Variants in GIPC2 observed in about 807,000 individuals in gnomAD.
GIPC2 encodes the protein GIPC PDZ domain containing family member 2.
Under a neutral mutation model 30.6 loss-of-function variants are expected in GIPC2, and 30 were observed. The observed-to-expected ratio is 0.98, with a 90% CI of 0.73 to 1.33. The LOEUF (loss-of-function observed/expected upper bound fraction) is 1.33, where lower values mean the gene tolerates loss of function less well. Ranked by LOEUF, GIPC2 falls within the 40% of genes most tolerant of loss-of-function variation. The probability of loss-of-function intolerance (pLI) is 0.00; values close to 1 mark genes in which losing one functional copy is unlikely to be tolerated. For synonymous variants in GIPC2, 167 were observed against 150.0 expected (o/e 1.11, Z -0.83); for missense variants, 414 against 390.3 (o/e 1.06, Z -0.51).
intron 3 of GIPC2, among the ~76,000 whole-genome samples, chr1:78,102,518 A>T (rs893876101): frequency 2.0e-5 from 3 of 152,244 alleles, no homozygotes; most frequent in Non-Finnish European, 4.4e-5. Context: ...ACTGAATTCT[A>T]CAAAATATAT....
chr1:78,073,515 A>G (rs894747266), intron 1 of GIPC2, among the ~76,000 whole-genome samples: 1 of 152,208 alleles, frequency 6.6e-6, no homozygotes, highest in Non-Finnish European at 1.5e-5. Context: ...GTAGGAGGGT[A>G]GTCATATAAA....
intron 3 of GIPC2, among the ~76,000 whole-genome samples, chr1:78,107,805 A>G (rs995178610): frequency 6.9e-6 from 1 of 144,588 alleles, no homozygotes; most frequent in South Asian, 2.3e-4. Flanking sequence ...AGCCTGGGCA[A>G]CAGAGTGAAA....
intron 1 of GIPC2, among the ~76,000 whole-genome samples, chr1:78,078,008 G>A (rs1478370494): frequency 6.6e-6 from 1 of 151,484 alleles, no homozygotes; most frequent in African/African-American, 2.4e-5. Context: ...CTAAAACGGT[G>A]AAACCCCGTC....
chr1:78,101,653 A>G (rs1032353155), intron 3 of GIPC2, among the ~76,000 whole-genome samples: 5 of 152,198 alleles, frequency 3.3e-5, no homozygotes, highest in African/African-American at 1.2e-4. Flanking sequence ...CCCCCTGGTC[A>G]GCTGGTTACT....
At chr1:78,053,792 G>C (rs560368538) in intron 1 of GIPC2, among the ~76,000 whole-genome samples, 2 of 150,514 alleles carry the variant, frequency 1.3e-5, no homozygotes, top group East Asian at 3.9e-4. Flanking sequence ...TTAGCCAGAG[G>C]TGGTGGTACG....
At chr1:78,109,273 GA>G (rs779140994) in intron 3 of GIPC2, among the ~76,000 whole-genome samples, 1 of 152,182 alleles carries the variant, frequency 6.6e-6, no homozygotes, top group Non-Finnish European at 1.5e-5. Context: ...TGATGAAGGG[GA>G]TCAGTTTGGC....
At chr1:78,058,692 C>T (rs557201294) in intron 1 of GIPC2, among the ~76,000 whole-genome samples, 4 of 152,266 alleles carry the variant, frequency 2.6e-5, no homozygotes, top group Admixed American at 2.0e-4. Context: ...ATATTAATGG[C>T]TTTGAGAAGT....
At chr1:78,046,393 G>A in intron 1 of GIPC2, 59 bp downstream of exon 1, 1 of 1,441,328 alleles carries the variant, frequency 6.9e-7, no homozygotes, top group Non-Finnish European at 9.6e-7. Context: ...CGCGCCGCGC[G>A]TATTTCTGTG....
intron 1 of GIPC2, among the ~76,000 whole-genome samples, chr1:78,062,165 A>G (rs985979967): frequency 1.3e-5 from 2 of 152,244 alleles, no homozygotes; most frequent in Admixed American, 1.3e-4. Flanking sequence ...TGAGGAAATG[A>G]TAACTGTGTA....
intron 3 of GIPC2, among the ~76,000 whole-genome samples, chr1:78,113,257 A>C (rs981205020): frequency 3.3e-5 from 5 of 152,140 alleles, no homozygotes; most frequent in Non-Finnish European, 7.4e-5. Flanking sequence ...CTGTTTAAAA[A>C]TATTTTTTCT....
intron 3 of GIPC2, among the ~76,000 whole-genome samples, chr1:78,101,928 A>G (rs1264386726): frequency 1.3e-5 from 2 of 152,170 alleles, no homozygotes; most frequent in East Asian, 1.9e-4. Flanking sequence ...TTGTTTTCCT[A>G]TAAGGTCTTT....
Position 78,118,761 on chromosome 1 carries a change from A to T in GIPC2, c.608-632A>T, listed in dbSNP as rs185882031. Among the ~76,000 whole-genome samples, 147 of 152,220 alleles carry T rather than the reference A, an allele frequency of 9.7e-4. 1 individual carries two copies. Among genetic ancestry groups the T allele is most frequent in the African/African-American group, 3.4e-3 (141 of 41,540 alleles). The stretch of plus-strand genomic sequence containing the variant: ...GAGCGTTGTTCAGGAAAGCATATGA[A>T]CTTTGAAATCTGGTTTGTATCTGCA... On this transcript the variant is annotated intron_variant, in intron 3 of 5. Coordinates refer to ENST00000370759, the MANE Select transcript of GIPC2 (RefSeq NM_017655.6).
At chr1:78,130,655 G>A (rs1175330996) in intron 5 of GIPC2, among the ~76,000 whole-genome samples, 1 of 152,124 alleles carries the variant, frequency 6.6e-6, no homozygotes. Context: ...CAATAATGAT[G>A]ACTAATCTTC....
chr1:78,067,731 G>A (rs755800757), intron 1 of GIPC2, among the ~76,000 whole-genome samples: 6 of 152,134 alleles, frequency 3.9e-5, no homozygotes, highest in South Asian at 2.1e-4. Context: ...GATTATAGGC[G>A]TGAGCCACTG....
At chr1:78,060,573 A>G (rs1019755105) in intron 1 of GIPC2, among the ~76,000 whole-genome samples, 3 of 152,232 alleles carry the variant, frequency 2.0e-5, no homozygotes, top group African/African-American at 7.2e-5. Context: ...GAGGCTGCCA[A>G]AGGAAAGTGA....
intron 5 of GIPC2, among the ~76,000 whole-genome samples, chr1:78,133,130 CT>C (rs1662930994): frequency 6.6e-6 from 1 of 152,210 alleles, no homozygotes; most frequent in African/African-American, 2.4e-5. Context: ...ATTACACACC[CT>C]CCTCTTGCAC....
chr1:78,110,874 A>T (rs914257610), intron 3 of GIPC2, among the ~76,000 whole-genome samples: 10 of 152,172 alleles, frequency 6.6e-5, no homozygotes, highest in African/African-American at 1.7e-4. Context: ...CTCCCTATGG[A>T]TTAATAAACT....
At chr1:78,099,038 A>G (rs1662193440) in intron 3 of GIPC2, among the ~76,000 whole-genome samples, 1 of 152,186 alleles carries the variant, frequency 6.6e-6, no homozygotes, top group South Asian at 2.1e-4. Context: ...TTCTTTGACT[A>G]TGGAAGTAGA....
At chr1:78,051,775 A>G (rs1242898840) in intron 1 of GIPC2, among the ~76,000 whole-genome samples, 1 of 152,222 alleles carries the variant, frequency 6.6e-6, no homozygotes, top group African/African-American at 2.4e-5. Context: ...GATTACAGGC[A>G]TGAGCCACCG....
Sources: allele counts gnomAD v4.1 joint callset (sites outside exome capture counted in the v4.1 genomes callset), GRCh38; gene constraint gnomAD v4.1.1; transcripts MANE v1.5; gene names NCBI Gene and HGNC (gene_info 2026-07-23, HGNC 2026-07-21).